Variants in GRM7 observed in about 807,000 individuals in gnomAD.
GRM7 encodes the protein glutamate metabotropic receptor 7, also known as metabotropic glutamate receptor 7.
In GRM7, 35 loss-of-function variants were observed where a neutral mutation model predicts 84.5. The observed-to-expected ratio is 0.41, with a 90% CI of 0.32 to 0.55. The LOEUF is 0.55. Ranked by LOEUF, GRM7 falls within the 20% of genes least tolerant of loss-of-function variation. The probability of loss-of-function intolerance (pLI) is 0.19; values close to 1 mark genes in which losing one functional copy is unlikely to be tolerated. For synonymous variants in GRM7, 487 were observed against 455.1 expected (o/e 1.07, Z -0.89); for missense variants, 1,003 against 1,194.6 (o/e 0.84, Z 2.36).
intron 3 of GRM7, among the ~76,000 whole-genome samples, chr3:7,299,741 T>A (rs1370414539): frequency 2.0e-5 from 3 of 152,144 alleles, no homozygotes; most frequent in African/African-American, 7.2e-5. Flanking sequence ...TACCTATACT[T>A]CTACTCAGTA....
At chr3:7,273,482 A>G (rs1251551727) in intron 2 of GRM7, among the ~76,000 whole-genome samples, 1 of 152,052 alleles carries the variant, frequency 6.6e-6, no homozygotes, top group East Asian at 1.9e-4. Context: ...TTGGGAATTT[A>G]CCTATCTCTA....
chr3:7,713,692 T>G (rs1048254142), intron 9 of GRM7, among the ~76,000 whole-genome samples: 1 of 151,374 alleles, frequency 6.6e-6, no homozygotes, highest in Non-Finnish European at 1.5e-5. Flanking sequence ...ATTTGAATAA[T>G]GCATGTTAAC....
At chr3:7,096,422 G>C (rs536647128) in intron 1 of GRM7, among the ~76,000 whole-genome samples, 1 of 152,220 alleles carries the variant, frequency 6.6e-6, no homozygotes, top group South Asian at 2.1e-4. Context: ...CAGAACTCAA[G>C]AAAGTGCTAT....
chr3:7,415,350 A>T (rs149858908), intron 5 of GRM7, among the ~76,000 whole-genome samples, 187 bp downstream of exon 5: 11 of 152,302 alleles, frequency 7.2e-5, no homozygotes, highest in Non-Finnish European at 1.3e-4. Context: ...ACAAGAATGT[A>T]TTCTTTTCTG....
intron 8 of GRM7, among the ~76,000 whole-genome samples, chr3:7,620,403 T>C (rs1697302197): frequency 1.3e-5 from 2 of 152,116 alleles, no homozygotes; most frequent in African/African-American, 4.8e-5. Context: ...AGAGTTATGT[T>C]TTAGGATTTT....
chr3:7,664,773 G>A (rs1699613428), intron 8 of GRM7, among the ~76,000 whole-genome samples: 5 of 151,972 alleles, frequency 3.3e-5, no homozygotes, highest in Admixed American at 3.3e-4. Context: ...AAGATACTGG[G>A]GCACTCAATG....
rs777924891 is a variant in GRM7, at chr3:7,708,537, G to C, written c.2698+28242G>C. Among the ~76,000 whole-genome samples, 91 of 152,270 alleles carry C rather than the reference G, an allele frequency of 6.0e-4. 2 individuals carry two copies. The highest frequency in any genetic ancestry group is 8.3e-4 in the South Asian group (4 of 4,820). On this transcript the variant is annotated intron_variant, in intron 9 of 9. Coordinates refer to ENST00000357716, the MANE Select transcript of GRM7 (RefSeq NM_000844.4). ...CAGAGAGGAAGGTCATGGTCTGTTG[G>C]ACAACATAAAGTATAAGGTGCATTT... is the stretch of plus-strand genomic sequence containing the variant.
intron 1 of GRM7, among the ~76,000 whole-genome samples, chr3:6,954,635 T>G (rs182663829): frequency 2.6e-5 from 4 of 152,350 alleles, no homozygotes; most frequent in Admixed American, 2.6e-4. Flanking sequence ...ACTAGCCCTG[T>G]GAGCTCCAAT....
In GRM7 at chr3:7,572,865, TATATATATATATATAA is replaced by T. The variant is rs1445378538; in HGVS notation, c.1516-5553_1516-5538del. On this transcript the variant is annotated intron_variant, in intron 7 of 9. Transcript: ENST00000357716. Reference sequence around the variant, plus strand: ...ATATATATATATATATATATATATATATATATATATATATAAATAATCTTTCTACCTATAATAATTC... The same window carrying T: ...ATATATATATATATATATATATATATATAATCTTTCTACCTATAATAATTC... Among the ~76,000 whole-genome samples, 12 of 51,358 alleles carry T rather than the reference TATATATATATATATAA, an allele frequency of 2.3e-4. 1 individual carries two copies. Among genetic ancestry groups the T allele is most frequent in the African/African-American group, 6.4e-4 (10 of 15,568 alleles). 33.7% of individuals were successfully genotyped at this position (51,358 alleles called of 152,430 possible).
rs1194971893 is a variant in GRM7 at position 6,863,906 on chromosome 3, G to C, written c.519+1999G>C. Among the ~76,000 whole-genome samples the C allele has an allele frequency of 6.6e-6, 1 of 152,168 alleles. No homozygotes were observed. The highest frequency in any genetic ancestry group is 1.5e-5 in the Non-Finnish European group (1 of 68,032). On this transcript the variant is annotated intron_variant, in intron 1 of 9. Transcript: ENST00000357716. This position sits in a 1 kb window ranked among gnomAD's most constrained non-coding sequence, Gnocchi z 4.8. ...GAGTGAAATGTTAAAGTCAAGAAAG[G>C]GGTTACAGACTAGGCTGAGGGACTG... is the stretch of plus-strand genomic sequence containing the variant.
chr3:6,927,527 G>GAA (rs1249328173), intron 1 of GRM7, among the ~76,000 whole-genome samples: 1 of 149,534 alleles, frequency 6.7e-6, no homozygotes, highest in Non-Finnish European at 1.5e-5. Flanking sequence ...GAAGAGAAAA[G>GAA]AAAGAAAGAA....
At chr3:6,873,203 C>A (rs1430594459) in intron 1 of GRM7, among the ~76,000 whole-genome samples, 3 of 152,126 alleles carry the variant, frequency 2.0e-5, no homozygotes, top group Non-Finnish European at 4.4e-5. Flanking sequence ...TCCTGAGTAG[C>A]TGGGATTACA....
chr3:7,001,882 G>A (rs754195367), intron 1 of GRM7, among the ~76,000 whole-genome samples: 2 of 152,092 alleles, frequency 1.3e-5, no homozygotes, highest in Non-Finnish European at 2.9e-5. Context: ...TCTGCACATC[G>A]ATTCACTTCA....
At chr3:6,941,553 C>T (rs993295750) in intron 1 of GRM7, among the ~76,000 whole-genome samples, 2 of 152,094 alleles carry the variant, frequency 1.3e-5, no homozygotes, top group Non-Finnish European at 2.9e-5. Context: ...AACCTCTAAT[C>T]GTGTGACTTA....
intron 7 of GRM7, among the ~76,000 whole-genome samples, chr3:7,509,124 C>A (rs945873580): frequency 6.6e-6 from 1 of 152,088 alleles, no homozygotes; most frequent in Admixed American, 6.6e-5. Context: ...AGGTATGCTA[C>A]CCACCCATTC....
At chr3:7,605,771 C>T (rs908824724) in intron 8 of GRM7, among the ~76,000 whole-genome samples, 1 of 152,140 alleles carries the variant, frequency 6.6e-6, no homozygotes. Context: ...TATGATAACA[C>T]TGTATGGGGC....
intron 1 of GRM7, among the ~76,000 whole-genome samples, chr3:7,028,738 A>G (rs1318055848): frequency 6.6e-6 from 1 of 152,232 alleles, no homozygotes; most frequent in East Asian, 1.9e-4. Context: ...AATGATAATT[A>G]AAACCACCCT....
At chr3:7,410,797 G>T (rs1695902411) in intron 4 of GRM7, among the ~76,000 whole-genome samples, 1 of 152,206 alleles carries the variant, frequency 6.6e-6, no homozygotes, top group Admixed American at 6.5e-5. Flanking sequence ...AGAGAAGCTA[G>T]TAAGGTATAT....
At chr3:7,284,681 T>C (rs1410536342) in intron 2 of GRM7, among the ~76,000 whole-genome samples, 2 of 152,134 alleles carry the variant, frequency 1.3e-5, no homozygotes, top group Non-Finnish European at 2.9e-5. Flanking sequence ...GTTTTGAAAT[T>C]AGGCTTAATT....
Sources: gnomAD v4.1 joint callset for allele counts (sites outside exome capture counted in the v4.1 genomes callset) on GRCh38, gnomAD v4.1.1 for gene constraint, Gnocchi (gnomAD v3.1) non-coding constraint, MANE v1.5 for transcripts, NCBI Gene and HGNC (gene_info 2026-07-23, HGNC 2026-07-21) for gene names.